The following CACNB2 variants were observed in gnomAD, a reference collection of about 807,000 sequenced individuals.
The protein encoded by CACNB2 is voltage-dependent L-type calcium channel subunit beta-2.
In CACNB2, 42 loss-of-function variants were observed where a neutral mutation model predicts 73.3. The ratio of observed to expected loss-of-function variants is 0.57; its 90% CI spans 0.45 to 0.74. The LOEUF is 0.74. Ranked by LOEUF, CACNB2 falls within the 30% of genes least tolerant of loss-of-function variation. CACNB2 has a pLI of 0.00. For synonymous variants in CACNB2, 348 were observed against 310.3 expected, an observed-to-expected ratio of 1.12 and a Z score of -1.28; for missense variants, 940 against 853.0, an observed-to-expected ratio of 1.10 and a Z score of -1.27.
At chr10:18,236,201 G>A (rs941422839) in intron 2 of CACNB2, among the ~76,000 whole-genome samples, 3 of 152,242 alleles carry the variant, frequency 2.0e-5, no homozygotes, top group Admixed American at 6.5e-5. Context: ...CAGTGTGACT[G>A]CAGCCTGATT....
chr10:18,366,302 A>G lies in CACNB2; in HGVS notation c.214-35622A>G, dbSNP rs193010947. Among the ~76,000 whole-genome samples the G allele has an allele frequency of 2.0e-3, 303 of 151,826 alleles. 3 individuals are homozygous for G. Among genetic ancestry groups the G allele is most frequent in the Admixed American group, 0.015 (235 of 15,244 alleles). On this transcript the variant is annotated intron_variant, in intron 2 of 13. Coordinates refer to ENST00000324631, the MANE Select transcript of CACNB2 (RefSeq NM_201596.3). The stretch of plus-strand genomic sequence containing the variant: ...AACACGGTGAAACCCCGTCTCTACT[A>G]AAAATACAAAAAATTAGCCGGGCGT...
intron 2 of CACNB2, among the ~76,000 whole-genome samples, chr10:18,252,786 C>T (rs879917498): frequency 7.9e-5 from 12 of 151,960 alleles, no homozygotes; most frequent in Non-Finnish European, 1.3e-4. Flanking sequence ...CAAGAAAGCG[C>T]AAGGAAAAAG....
rs992393946 is a variant in CACNB2, at chr10:18,290,112, CTTTTTTTTTT to C, written c.214-111794_214-111785del. ...TAAAGTTTTTTTCTTTTTTCTTTTTCTTTTTTTTTTTTTTTTTTTTTTTTTTTGCCTCAGC... is the reference window on the plus strand; with the variant it reads ...TAAAGTTTTTTTCTTTTTTCTTTTTCTTTTTTTTTTTTTTTTTGCCTCAGC... On this transcript the variant is annotated intron_variant, in intron 2 of 13. Transcript: ENST00000324631. 4.4e-3 allele frequency among the ~76,000 whole-genome samples: 223 copies of C among 50,142 alleles called. 1 individual carries two copies. Among genetic ancestry groups the C allele is most frequent in the African/African-American group, 7.6e-3 (113 of 14,826 alleles). 32.9% of individuals were successfully genotyped at this position (50,142 alleles called of 152,430 possible). A position where few individuals can be genotyped will look rare whatever the true frequency, so the allele number is the denominator to read the frequency against.
intron 2 of CACNB2, among the ~76,000 whole-genome samples, chr10:18,277,595 C>G (rs2038354057): frequency 6.6e-6 from 1 of 152,206 alleles, no homozygotes; most frequent in African/African-American, 2.4e-5. Flanking sequence ...GAAATATATA[C>G]AGAGGTTTCT....
intron 3 of CACNB2, among the ~76,000 whole-genome samples, chr10:18,404,886 T>G (rs778516978): frequency 6.6e-6 from 1 of 152,232 alleles, no homozygotes; most frequent in African/African-American, 2.4e-5. Flanking sequence ...ACCACTAAAC[T>G]GCAGTGAACA....
At chr10:18,354,887 G>A (rs2132162517) in intron 2 of CACNB2, among the ~76,000 whole-genome samples, 1 of 151,902 alleles carries the variant, frequency 6.6e-6, no homozygotes, top group Non-Finnish European at 1.5e-5. Context: ...ATTACAGGTT[G>A]AGCATTCCAA....
intron 2 of CACNB2, 147 bp from the exon 3 acceptor site, chr10:18,401,777 A>G: frequency 1.3e-6 from 1 of 767,002 alleles, no homozygotes; most frequent in Non-Finnish European, 2.2e-6. Flanking sequence ...ATGGTTTTCT[A>G]GATAGGTTGC....
At chr10:18,228,179 T>G (rs1169955607) in intron 2 of CACNB2, among the ~76,000 whole-genome samples, 1 of 151,730 alleles carries the variant, frequency 6.6e-6, no homozygotes, top group African/African-American at 2.4e-5. Flanking sequence ...ATCCTAGCAC[T>G]TAGGGAGGCC....
In CACNB2 at chr10:18,207,511, G is replaced by A. The variant is rs140099716; in HGVS notation, c.213+56536G>A. Among the ~76,000 whole-genome samples, 472 of 152,308 alleles carry A rather than the reference G, an allele frequency of 3.1e-3. 7 individuals carry two copies. The highest frequency in any genetic ancestry group is 7.7e-4 in the East Asian group (4 of 5,188). ...AGGCATCCCTCATGGATAAGGTGGG[G>A]TGGGGGAGAAACTATATATCTTAGT... On this transcript the variant is annotated intron_variant, in intron 2 of 13. Coordinates refer to ENST00000324631, the MANE Select transcript of CACNB2 (RefSeq NM_201596.3).
intron 3 of CACNB2, among the ~76,000 whole-genome samples, chr10:18,466,571 TAGA>T (rs764731648): frequency 5.8e-4 from 89 of 152,314 alleles, no homozygotes; most frequent in Non-Finnish European, 1.2e-3. Context: ...AAGTCCTACA[TAGA>T]AGGTTCTCTC....
chr10:18,496,294 C>T (rs551998266), intron 3 of CACNB2, among the ~76,000 whole-genome samples: 2 of 152,104 alleles, frequency 1.3e-5, no homozygotes, highest in East Asian at 3.9e-4. Context: ...TTTTCCTTTC[C>T]CAATCTGCAA....
At chr10:18,519,854 G>C (rs561644625) in intron 9 of CACNB2, 9 of 405,602 alleles carry the variant, frequency 2.2e-5, no homozygotes, top group African/African-American at 1.7e-4. Context: ...GCTAAATCCA[G>C]GGATAAATTT....
intron 2 of CACNB2, chr10:18,234,188 G>A (rs2036336851): frequency 6.6e-6 from 1 of 152,398 alleles, no homozygotes; most frequent in African/African-American, 2.4e-5. Context: ...GGGGAACATG[G>A]CTGGGGTCTT....
At chr10:18,339,613 A>G (rs981080408) in intron 2 of CACNB2, among the ~76,000 whole-genome samples, 4 of 152,184 alleles carry the variant, frequency 2.6e-5, no homozygotes, top group Non-Finnish European at 4.4e-5. Context: ...GTAAAGGGCC[A>G]CGTAGGACAT....
intron 2 of CACNB2, among the ~76,000 whole-genome samples, chr10:18,248,921 G>T (rs775776957): frequency 3.9e-5 from 6 of 152,046 alleles, no homozygotes; most frequent in Non-Finnish European, 8.8e-5. Context: ...CACACATAGT[G>T]GGGGAAAAAG....
chr10:18,328,071 A>G (rs975046258), intron 2 of CACNB2, among the ~76,000 whole-genome samples: 2 of 152,186 alleles, frequency 1.3e-5, no homozygotes, highest in Non-Finnish European at 2.9e-5. Context: ...AAAAGATCCA[A>G]CCTCTATGCA....
chr10:18,263,982 G>C (rs1055473648), intron 2 of CACNB2, among the ~76,000 whole-genome samples: 5 of 152,154 alleles, frequency 3.3e-5, no homozygotes, highest in African/African-American at 1.2e-4. Context: ...AGTAATTCCT[G>C]TGTTTACCTA....
At chr10:18,250,360 G>A (rs564245022) in intron 2 of CACNB2, among the ~76,000 whole-genome samples, 55 of 152,202 alleles carry the variant, frequency 3.6e-4, no homozygotes, top group South Asian at 6.2e-4. Flanking sequence ...TCATCCATAG[G>A]CAACTTCTTA....
At chr10:18,438,309 G>A (rs1214658624) in intron 3 of CACNB2, among the ~76,000 whole-genome samples, 4 of 151,636 alleles carry the variant, frequency 2.6e-5, no homozygotes, top group African/African-American at 9.7e-5. Context: ...GATTACAGGC[G>A]TGAGCCACCG....
Sources: gnomAD v4.1 joint callset for allele counts (sites outside exome capture counted in the v4.1 genomes callset) on GRCh38, gnomAD v4.1.1 for gene constraint, MANE v1.5 for transcripts, NCBI Gene and HGNC (gene_info 2026-07-23, HGNC 2026-07-21) for gene names.